PAK5: variants seen among roughly 807,000 people sequenced by gnomAD.
The protein encoded by PAK5 is p21 (RAC1) activated kinase 5.
A neutral mutation model predicts 65.9 loss-of-function variants in PAK5; 16 were observed. The ratio of observed to expected loss-of-function variants is 0.24; its 90% CI spans 0.16 to 0.37. The LOEUF is 0.37. PAK5 is among the 10% of genes least tolerant of loss of function. PAK5 has a pLI of 1.00. For missense variants in PAK5, 785 were observed against 903.9 expected (o/e 0.87, Z 1.69); for synonymous variants, 371 against 354.9 (o/e 1.05, Z -0.51).
chr20:9,771,411 AT>A (rs1209202812), intron 1 of PAK5, among the ~76,000 whole-genome samples: 44 of 145,622 alleles, frequency 3.0e-4, no homozygotes, highest in Admixed American at 2.1e-3. Context: ...ATTTAAAAAA[AT>A]TTTTTTTTTT....
intron 3 of PAK5, among the ~76,000 whole-genome samples, chr20:9,608,012 T>C (rs957435323): frequency 6.6e-6 from 1 of 152,270 alleles, no homozygotes; most frequent in East Asian, 1.9e-4. Flanking sequence ...AGGAACAGTG[T>C]CTGGTGAGGG....
chr20:9,544,598 A>C, intron 7 of PAK5, 104 bp from the exon 8 acceptor site: 1 of 1,053,756 alleles, frequency 9.5e-7, no homozygotes, highest in Non-Finnish European at 1.4e-6. Context: ...AAACAGTCTC[A>C]TCAACAGGCC....
At chr20:9,772,853 G>A (rs1194488618) in intron 1 of PAK5, among the ~76,000 whole-genome samples, 1 of 152,174 alleles carries the variant, frequency 6.6e-6, no homozygotes, top group East Asian at 1.9e-4. Context: ...ATGTGTCAGG[G>A]AGTTAACACT....
Position 9,580,809 on chromosome 20 carries a change from T to C in PAK5, c.326A>G (p.Asp109Gly), listed in dbSNP as rs375170699. ...SLRKESPPTP[D>G]QGASSHGPGH... Reference sequence around the variant, plus strand: ...TGGACCGTGGCTGGAGGCTCCCTGATCTGGGGTGGGTGGGCTTTCTTTCCT... The same window carrying C: ...TGGACCGTGGCTGGAGGCTCCCTGACCTGGGGTGGGTGGGCTTTCTTTCCT... The change falls in exon 4 of 10, where the codon GAT becomes GGT. Residue 109 changes from aspartate (D) to glycine (G), a missense_variant. By Grantham distance (94) the Asp-to-Gly change is moderately conservative. This residue lies in a region of PAK5 where 422 missense variants were observed against 413.3 expected (regional missense o/e 1.02). Coordinates refer to ENST00000353224, the MANE Select transcript of PAK5 (RefSeq NM_177990.4). 3.1e-6 allele frequency: 5 copies of C among 1,613,908 alleles called. No individual in the cohort carries two copies. In the African/African-American group the frequency reaches 6.7e-5, roughly 22 times the overall value.
chr20:9,641,680 T>C lies in PAK5; in HGVS notation c.204+2445A>G, dbSNP rs1277479135. ...GGAGGCTCGGCCGCACAGGAGCCCA[T>C]GGAGTGGGTGGGAGGCTCAGGCATG... is the stretch of plus-strand genomic sequence containing the variant. On this transcript the variant is annotated intron_variant, in intron 3 of 9. Coordinates refer to ENST00000353224, the MANE Select transcript of PAK5 (RefSeq NM_177990.4). 7.2e-5 allele frequency among the ~76,000 whole-genome samples: 11 copies of C among 151,950 alleles called. No individual in the cohort carries two copies. In the South Asian group the frequency reaches 1.7e-3, roughly 23 times the overall value.
chr20:9,816,233 A>C (rs575581966), intron 1 of PAK5, among the ~76,000 whole-genome samples: 1 of 152,210 alleles, frequency 6.6e-6, no homozygotes, highest in Non-Finnish European at 1.5e-5. Flanking sequence ...AAATTTAAAA[A>C]ATTAAATATT....
At chr20:9,814,359 T>C (rs139150337) in intron 1 of PAK5, among the ~76,000 whole-genome samples, 33 of 152,278 alleles carry the variant, frequency 2.2e-4, no homozygotes, top group African/African-American at 7.7e-4. Context: ...ATAAATCATA[T>C]AATGCACATG....
intron 3 of PAK5, among the ~76,000 whole-genome samples, chr20:9,593,025 C>T (rs530379688): frequency 6.6e-6 from 1 of 152,190 alleles, no homozygotes; most frequent in African/African-American, 2.4e-5. Flanking sequence ...CAGGGCTGGG[C>T]ACGGTGGCTC....
rs2045614084 is a variant in PAK5 at position 9,562,947 on chromosome 20, C to G, written c.1560G>C (p.Trp520Cys). The G allele has an allele frequency of 6.2e-7, 1 of 1,613,464 alleles. No individual in the cohort carries two copies. Among genetic ancestry groups the G allele is most frequent in the South Asian group, 1.1e-5 (1 of 91,040 alleles). The part of the protein sequence containing the change: ...YSSYLVGDEL[W>C]VVMEFLEGGA... Reference sequence around the variant, plus strand: ...CACCTTCTAGAAACTCCATGACCACCCAGAGCTCATCGCCGACAAGGTAGC... The same window carrying G: ...CACCTTCTAGAAACTCCATGACCACGCAGAGCTCATCGCCGACAAGGTAGC... Residue 520 changes from tryptophan (W) to cysteine (C), a missense_variant, in exon 6 of 10, where the codon TGG becomes TGC. Coordinates refer to ENST00000353224, the MANE Select transcript of PAK5 (RefSeq NM_177990.4).
At position 9,726,575 on chromosome 20, in the gene PAK5, AT is replaced by A. The variant is rs554726712; in HGVS notation, c.-161-15141del. Among the ~76,000 whole-genome samples the A allele has an allele frequency of 7.2e-5, 11 of 152,146 alleles. No individual in the cohort carries two copies. In the East Asian group the frequency reaches 7.7e-4, roughly 11 times the overall value. On this transcript the variant is annotated intron_variant, in intron 1 of 9. Transcript: ENST00000353224. ...ATGCAGGTCAAAATTGAGTACAGGG[AT>A]TTTTTTTAAGCAAATAAAAGTATAA...
chr20:9,550,448 C>T (rs1053160892), intron 7 of PAK5, among the ~76,000 whole-genome samples: 3 of 152,058 alleles, frequency 2.0e-5, no homozygotes, highest in African/African-American at 4.8e-5. Flanking sequence ...TGAGGTCCCA[C>T]GAGCCATGCT....
Position 9,687,118 on chromosome 20 carries a change from A to G in PAK5, c.-12+24168T>C, listed in dbSNP as rs571540694. On this transcript the variant is annotated intron_variant, in intron 2 of 9. Transcript: ENST00000353224. Reference sequence around the variant, plus strand: ...GTTAGTTCACTGAAACCTCCAGCCTATCTTATGCCCAGGCTGTATAGCTTT... The same window carrying G: ...GTTAGTTCACTGAAACCTCCAGCCTGTCTTATGCCCAGGCTGTATAGCTTT... Among the ~76,000 whole-genome samples the G allele has an allele frequency of 2.0e-4, 31 of 152,314 alleles. No homozygotes were observed. The East Asian group carries it at 4.6e-3, about 23-fold the overall frequency.
At position 9,539,557 on chromosome 20, in the gene PAK5, C is replaced by T. The variant is rs1433508693; in HGVS notation, c.2065G>A (p.Ala689Thr). 3 of 1,613,720 alleles carry T rather than the reference C, an allele frequency of 1.9e-6. No individual in the cohort carries two copies. Among genetic ancestry groups the T allele is most frequent in the Non-Finnish European group, 2.5e-6 (3 of 1,179,862 alleles). ...TGTCCGAGGAGTTCCTGGGCTGTTG[C>T]TCTCTGAGAGGGCTCCCTCACCAAC... ...LMLVREPSQR[A>T]TAQELLGHPF... Residue 689 changes from alanine (A) to threonine (T), a missense_variant, in exon 10 of 10, where the codon GCA becomes ACA. Physicochemically the swap from Ala to Thr is moderately conservative, Grantham distance 58. Coordinates refer to ENST00000353224, the MANE Select transcript of PAK5 (RefSeq NM_177990.4).
At chr20:9,565,483 A>G (rs1295169259) in intron 5 of PAK5, among the ~76,000 whole-genome samples, 1 of 152,196 alleles carries the variant, frequency 6.6e-6, no homozygotes, top group Non-Finnish European at 1.5e-5. Flanking sequence ...TGTAAAATAT[A>G]TACATACTCA....
intron 4 of PAK5, among the ~76,000 whole-genome samples, chr20:9,572,111 G>A (rs1322139137): frequency 6.7e-6 from 1 of 148,466 alleles, no homozygotes; most frequent in African/African-American, 2.5e-5. Context: ...TTTTGGCTTA[G>A]AGAAATGAGC....
At chr20:9,546,727 G>A (rs988447680) in intron 7 of PAK5, among the ~76,000 whole-genome samples, 21 of 152,276 alleles carry the variant, frequency 1.4e-4, no homozygotes, top group South Asian at 6.2e-4. Flanking sequence ...GGTAAGAACC[G>A]GGAGTTGCTG....
intron 1 of PAK5, among the ~76,000 whole-genome samples, chr20:9,736,490 A>G (rs186950869): frequency 1.3e-5 from 2 of 152,336 alleles, no homozygotes; most frequent in African/African-American, 2.4e-5. Context: ...TGCATATAAA[A>G]TAATAGTTCA....
At chr20:9,767,114 T>C (rs530610013) in intron 1 of PAK5, among the ~76,000 whole-genome samples, 1 of 152,242 alleles carries the variant, frequency 6.6e-6, no homozygotes, top group African/African-American at 2.4e-5. Context: ...TGCACCAATC[T>C]TGGGACCCCT....
intron 1 of PAK5, among the ~76,000 whole-genome samples, chr20:9,715,348 A>G (rs1166214989): frequency 1.3e-5 from 2 of 152,108 alleles, no homozygotes; most frequent in Non-Finnish European, 2.9e-5. Context: ...ACAATGAGAT[A>G]CCTTCTCACA....
Sources: gnomAD v4.1 joint callset for allele counts (sites outside exome capture counted in the v4.1 genomes callset) on GRCh38, gnomAD v4.1.1 for gene constraint, gnomAD v4.1.1 regional missense constraint, MANE v1.5 for transcripts, NCBI Gene and HGNC (gene_info 2026-07-23, HGNC 2026-07-21) for gene names.